The following SGF29 variants were observed in gnomAD, a reference collection of about 807,000 sequenced individuals.
SGF29 encodes SAGA-associated factor 29.
A neutral mutation model predicts 38.1 loss-of-function variants in SGF29; 15 were observed. The ratio of observed to expected loss-of-function variants is 0.39; its 90% CI spans 0.26 to 0.61. The LOEUF is 0.61. SGF29 is among the 20% of genes least tolerant of loss of function. The probability of loss-of-function intolerance (pLI) is 0.49; values close to 1 mark genes in which losing one functional copy is unlikely to be tolerated. For missense variants in SGF29, 184 were observed against 394.6 expected (o/e 0.47, Z 4.52); for synonymous variants, 151 against 160.8 (o/e 0.94, Z 0.46).
chr16:28,574,836 G>C (rs191020467), intron 1 of SGF29, among the ~76,000 whole-genome samples: 1 of 152,276 alleles, frequency 6.6e-6, no homozygotes, highest in Non-Finnish European at 1.5e-5. Flanking sequence ...ATCATGCTCA[G>C]ATTTATCCAC....
At chr16:28,579,975 G>A (rs1444072992) in intron 1 of SGF29, among the ~76,000 whole-genome samples, 1 of 151,924 alleles carries the variant, frequency 6.6e-6, no homozygotes, top group Non-Finnish European at 1.5e-5. Flanking sequence ...GAAAGTAACA[G>A]CGTTTTATGA....
rs1261779162 is a variant in SGF29 at position 28,567,160 on chromosome 16, G to A, written c.-16+13063G>A. On this transcript the variant is annotated intron_variant, in intron 1 of 9. Coordinates refer to ENST00000317058, the MANE Select transcript of SGF29 (RefSeq NM_138414.3). ...ATGGAAAATTTCTAGCCATAGAGAA[G>A]TAGAAGTGTGTAAGAAATATCCATG... Among the ~76,000 whole-genome samples the A allele has an allele frequency of 2.6e-5, 4 of 152,240 alleles. No homozygotes were observed. In the East Asian group the frequency reaches 7.7e-4, roughly 29 times the overall value.
At chr16:28,571,231 G>A (rs917455174) in intron 1 of SGF29, among the ~76,000 whole-genome samples, 7 of 152,086 alleles carry the variant, frequency 4.6e-5, no homozygotes, top group African/African-American at 9.7e-5. Context: ...TCTTTGAAGC[G>A]GAGAGCGATG....
In SGF29 at chr16:28,590,833, G is replaced by T; in HGVS notation, c.663G>T (p.Glu221Asp). ...IPLPQWKANP[E>D]TDPEALFQKE... ...TGCCCCAGTGGAAGGCCAACCCGGA[G>T]ACGGACCCTGAGGCCTTGTTCCAGA... Residue 221 changes from glutamate to aspartate, a missense_variant, in exon 9 of 10, where the codon GAG becomes GAT. This residue lies in a region of SGF29 where 107 missense variants were observed against 276.9 expected (regional missense o/e 0.39). Coordinates refer to ENST00000317058, the MANE Select transcript of SGF29 (RefSeq NM_138414.3). The surrounding 1 kb of genome is among the most constrained non-coding windows in gnomAD (Gnocchi z 8.2). 2 of 1,614,070 alleles carry T rather than the reference G, an allele frequency of 1.2e-6. No individual in the cohort carries two copies. Among genetic ancestry groups the T allele is most frequent in the Non-Finnish European group, 1.7e-6 (2 of 1,179,984 alleles).
At chr16:28,577,219 A>G (rs1017600005) in intron 1 of SGF29, among the ~76,000 whole-genome samples, 1 of 152,040 alleles carries the variant, frequency 6.6e-6, no homozygotes, top group East Asian at 1.9e-4. Context: ...AGAGACAGAA[A>G]GTAAATTAAT....
At chr16:28,558,859 T>C (rs1369264056) in intron 1 of SGF29, among the ~76,000 whole-genome samples, 1 of 152,082 alleles carries the variant, frequency 6.6e-6, no homozygotes, top group African/African-American at 2.4e-5. Context: ...TCTACAAATA[T>C]GAATTAGAAT....
chr16:28,554,381 G>A (rs1184022603), intron 1 of SGF29, among the ~76,000 whole-genome samples: 2 of 152,148 alleles, frequency 1.3e-5, no homozygotes, highest in East Asian at 1.9e-4. Context: ...GCTGGGCTCG[G>A]CACGGACGCA....
chr16:28,564,553 A>ATATATATATGTATATATATACG, intron 1 of SGF29, among the ~76,000 whole-genome samples: 1 of 108,720 alleles, frequency 9.2e-6, no homozygotes, highest in East Asian at 3.5e-4. Context: ...ATATATACGT[A>ATATATATATGTATATATATACG]TATATATATA....
chr16:28,564,708 C>CGTATATATGT (rs1555474883), intron 1 of SGF29, among the ~76,000 whole-genome samples: 3 of 50,244 alleles, frequency 6.0e-5, no homozygotes, highest in African/African-American at 1.7e-4. Flanking sequence ...TATATATATA[C>CGTATATATGT]ATATATATGT....
At chr16:28,578,619 G>A (rs975266471) in intron 1 of SGF29, among the ~76,000 whole-genome samples, 21 of 150,548 alleles carry the variant, frequency 1.4e-4, no homozygotes, top group Non-Finnish European at 2.5e-4. Context: ...GTGGGGGGAA[G>A]AGTTTACTCC....
At chr16:28,558,528 G>T (rs1318944670) in intron 1 of SGF29, among the ~76,000 whole-genome samples, 2 of 152,106 alleles carry the variant, frequency 1.3e-5, no homozygotes. Flanking sequence ...CAAGGTGTTG[G>T]GATTACAGGC....
chr16:28,568,919 G>GAA (rs200404862), intron 1 of SGF29, among the ~76,000 whole-genome samples: 6 of 129,200 alleles, frequency 4.6e-5, no homozygotes, highest in African/African-American at 1.7e-4. Flanking sequence ...CTCAAAAAAA[G>GAA]AAAAAAAAAA....
intron 3 of SGF29, 188 bp from the exon 4 acceptor site, chr16:28,585,460 C>T: frequency 1.6e-6 from 1 of 624,290 alleles, no homozygotes; most frequent in South Asian, 1.8e-5. Flanking sequence ...GGCATTTGTA[C>T]CATATGGAAA....
intron 1 of SGF29, among the ~76,000 whole-genome samples, chr16:28,563,613 A>G (rs1273559985): frequency 6.6e-6 from 1 of 151,942 alleles, no homozygotes; most frequent in Non-Finnish European, 1.5e-5. Flanking sequence ...CTGTAGCGAT[A>G]GGAGATTTCG....
intron 1 of SGF29, among the ~76,000 whole-genome samples, chr16:28,574,549 C>T (rs1193657352): frequency 6.6e-6 from 1 of 152,218 alleles, no homozygotes; most frequent in Non-Finnish European, 1.5e-5. Context: ...TGGCCTCTCC[C>T]TGGCACCTAG....
At chr16:28,589,446 C>A in intron 5 of SGF29, 1 of 423,204 alleles carries the variant, frequency 2.4e-6, no homozygotes, top group Non-Finnish European at 4.4e-6. Flanking sequence ...CCCTCCTCTG[C>A]CATGGCCCAT....
intron 4 of SGF29, 29 bp downstream of exon 4, chr16:28,585,749 G>T: frequency 6.2e-7 from 1 of 1,603,058 alleles, no homozygotes; most frequent in South Asian, 1.1e-5. Flanking sequence ...CTTCATCGCC[G>T]CTCCCTCCTT....
intron 4 of SGF29, among the ~76,000 whole-genome samples, chr16:28,586,516 A>G (rs1781670941): frequency 6.6e-6 from 1 of 152,088 alleles, no homozygotes; most frequent in South Asian, 2.1e-4. Flanking sequence ...CAAAAAAAAA[A>G]AAAAAACTAA....
At chr16:28,558,250 C>T (rs1273765045) in intron 1 of SGF29, among the ~76,000 whole-genome samples, 1 of 151,498 alleles carries the variant, frequency 6.6e-6, no homozygotes, top group Non-Finnish European at 1.5e-5. Context: ...GGACTACAGG[C>T]ATGCACCACC....
Sources: gnomAD v4.1 joint callset for allele counts (sites outside exome capture counted in the v4.1 genomes callset) on GRCh38, gnomAD v4.1.1 for gene constraint, gnomAD v4.1.1 regional missense constraint, Gnocchi (gnomAD v3.1) non-coding constraint, MANE v1.5 for transcripts, NCBI Gene and HGNC (gene_info 2026-07-23, HGNC 2026-07-21) for gene names.